The following LRRC4C variants were observed in gnomAD, a reference collection of about 807,000 sequenced individuals.
LRRC4C encodes the protein leucine-rich repeat-containing protein 4C.
LRRC4C carries 5 observed loss-of-function variants against 33.6 expected under a neutral mutation model. The observed-to-expected ratio is 0.15, with a 90% confidence interval of 0.08 to 0.31. The LOEUF is 0.31. LRRC4C is among the 10% of genes least tolerant of loss of function. LRRC4C has a pLI of 1.00. For synonymous variants in LRRC4C, 329 were observed against 302.0 expected (o/e 1.09, Z -0.93); for missense variants, 560 against 796.7 (o/e 0.70, Z 3.58).
At chr11:41,048,842 C>T (rs918756194) in intron 1 of LRRC4C, among the ~76,000 whole-genome samples, 1 of 152,170 alleles carries the variant, frequency 6.6e-6, no homozygotes, top group South Asian at 2.1e-4. Flanking sequence ...TGGGCATGGA[C>T]TCTGCTAGGG....
chr11:41,298,393 T>C (rs1394205985), intron 1 of LRRC4C, among the ~76,000 whole-genome samples: 1 of 151,956 alleles, frequency 6.6e-6, no homozygotes, highest in Admixed American at 6.6e-5. Context: ...TGTCCCTAGA[T>C]GTCTGAACCC....
At chr11:41,094,477 T>C (rs924643403) in intron 1 of LRRC4C, among the ~76,000 whole-genome samples, 3 of 151,998 alleles carry the variant, frequency 2.0e-5, no homozygotes, top group African/African-American at 7.3e-5. Context: ...TGAGCCGAGA[T>C]TGCACCACTG....
At chr11:41,363,067 C>T (rs1035194360) in intron 1 of LRRC4C, among the ~76,000 whole-genome samples, 1 of 152,222 alleles carries the variant, frequency 6.6e-6, no homozygotes, top group Non-Finnish European at 1.5e-5. Flanking sequence ...TTACATATCT[C>T]TGAGTCCTGT....
At chr11:41,295,579 A>G (rs1339528117) in intron 1 of LRRC4C, among the ~76,000 whole-genome samples, 1 of 151,208 alleles carries the variant, frequency 6.6e-6, no homozygotes. Flanking sequence ...TTTTGAGTTT[A>G]TACGTTCAGG....
chr11:40,166,681 T>C (rs1056052893), intron 5 of LRRC4C, among the ~76,000 whole-genome samples: 9 of 152,124 alleles, frequency 5.9e-5, no homozygotes, highest in Admixed American at 3.3e-4. Flanking sequence ...AACAAGCTCA[T>C]CACTGCAGCT....
chr11:41,162,874 C>A (rs1477538300), intron 1 of LRRC4C, among the ~76,000 whole-genome samples: 1 of 152,150 alleles, frequency 6.6e-6, no homozygotes, highest in Admixed American at 6.5e-5. Flanking sequence ...AATTGAAAAA[C>A]ATCATTTCTT....
intron 1 of LRRC4C, among the ~76,000 whole-genome samples, chr11:40,953,179 G>A (rs77424865): frequency 2.2e-4 from 33 of 151,914 alleles, no homozygotes; most frequent in African/African-American, 6.8e-4. Context: ...AATCTATCCC[G>A]AGAGGGACCC....
At chr11:40,668,278 G>A (rs574899437) in intron 2 of LRRC4C, among the ~76,000 whole-genome samples, 4 of 152,130 alleles carry the variant, frequency 2.6e-5, no homozygotes, top group South Asian at 2.1e-4. Flanking sequence ...TGTAGTTTCC[G>A]AGACTAATTT....
At chr11:41,126,434 T>C (rs556498520) in intron 1 of LRRC4C, among the ~76,000 whole-genome samples, 7 of 152,064 alleles carry the variant, frequency 4.6e-5, no homozygotes, top group African/African-American at 9.6e-5. Flanking sequence ...AAGCAAATTA[T>C]AAGGCTTCAG....
At position 40,716,973 on chromosome 11, in the gene LRRC4C, A is replaced by G. The variant is rs115065956; in HGVS notation, c.-406-68695T>C. Among the ~76,000 whole-genome samples the G allele has an allele frequency of 2.6e-3, 402 of 152,294 alleles. 2 individuals carry two copies. The highest frequency in any genetic ancestry group is 9.3e-3 in the African/African-American group (387 of 41,562). The stretch of plus-strand genomic sequence containing the variant: ...AGGTTGCTGCCAATCATACTGAGAA[A>G]GGAAACATCATGTTGCCCTTTTTCT... On this transcript the variant is annotated intron_variant, in intron 2 of 6. Coordinates refer to ENST00000528697, the MANE Select transcript of LRRC4C (RefSeq NM_001258419.2).
chr11:41,262,526 C>A (rs540544400), intron 1 of LRRC4C, among the ~76,000 whole-genome samples: 1 of 151,920 alleles, frequency 6.6e-6, no homozygotes. Context: ...GAGTCCTGCA[C>A]GGACATAACT....
chr11:41,266,650 G>A (rs1949160939), intron 1 of LRRC4C, among the ~76,000 whole-genome samples: 1 of 152,098 alleles, frequency 6.6e-6, no homozygotes, highest in Admixed American at 6.6e-5. Context: ...AGATAGACAT[G>A]CATAAGAAAA....
intron 1 of LRRC4C, among the ~76,000 whole-genome samples, chr11:41,192,507 A>G (rs1000674116): frequency 6.6e-6 from 1 of 152,016 alleles, no homozygotes; most frequent in African/African-American, 2.4e-5. Flanking sequence ...ATGAATCAGT[A>G]CCCCTTATTC....
chr11:40,585,698 C>A lies in LRRC4C; in HGVS notation c.-270+62444G>T, dbSNP rs555065412. On this transcript the variant is annotated intron_variant, in intron 3 of 6. Coordinates refer to ENST00000528697, the MANE Select transcript of LRRC4C (RefSeq NM_001258419.2). ...CCATGTGATCTCATTGTTCAATTCCCACCTATGAGGGAGAATATGCAGTGT... is the reference window on the plus strand; with the variant it reads ...CCATGTGATCTCATTGTTCAATTCCAACCTATGAGGGAGAATATGCAGTGT... Among the ~76,000 whole-genome samples, 499 of 142,142 alleles carry A rather than the reference C, an allele frequency of 3.5e-3. 1 individual carries two copies. Among genetic ancestry groups the A allele is most frequent in the Non-Finnish European group, 5.8e-3 (379 of 65,402 alleles). The allele number at this position is 142,142 out of a possible 152,430, so 93.3% of individuals were successfully genotyped here.
At chr11:40,641,886 T>C (rs915981878) in intron 3 of LRRC4C, among the ~76,000 whole-genome samples, 11 of 152,234 alleles carry the variant, frequency 7.2e-5, no homozygotes, top group Non-Finnish European at 1.3e-4. Flanking sequence ...AAAGTCATTG[T>C]TTATGTGATT....
chr11:40,854,648 C>A (rs1953684047), intron 2 of LRRC4C, among the ~76,000 whole-genome samples: 1 of 151,406 alleles, frequency 6.6e-6, no homozygotes, highest in Admixed American at 6.6e-5. Context: ...CTACCCTTGG[C>A]AAACCTGCAA....
chr11:40,988,642 A>T (rs993987466), intron 1 of LRRC4C, among the ~76,000 whole-genome samples: 3 of 151,538 alleles, frequency 2.0e-5, no homozygotes, highest in African/African-American at 7.3e-5. Flanking sequence ...TGAAGAGGTA[A>T]TGCCTACTCA....
chr11:41,430,098 C>T (rs769924899), intron 1 of LRRC4C, among the ~76,000 whole-genome samples: 5 of 152,034 alleles, frequency 3.3e-5, no homozygotes, highest in African/African-American at 9.7e-5. Flanking sequence ...TCCAGTTCTA[C>T]GGGTACTAAC....
intron 3 of LRRC4C, among the ~76,000 whole-genome samples, chr11:40,455,973 C>T (rs1952113800): frequency 6.6e-6 from 1 of 152,086 alleles, no homozygotes; most frequent in Non-Finnish European, 1.5e-5. Context: ...GTGGAATTGC[C>T]TGTCTCTTTG....
Sources: allele counts gnomAD v4.1 joint callset (sites outside exome capture counted in the v4.1 genomes callset), GRCh38; gene constraint gnomAD v4.1.1; transcripts MANE v1.5; gene names NCBI Gene and HGNC (gene_info 2026-07-23, HGNC 2026-07-21).